The following CC2D2A variants were observed in gnomAD, a reference collection of about 807,000 sequenced individuals.
The protein encoded by CC2D2A is coiled-coil and C2 domain containing 2A.
In CC2D2A, 155 loss-of-function variants were observed where a neutral mutation model predicts 212.9. The ratio of observed to expected loss-of-function variants is 0.73; its 90% confidence interval spans 0.64 to 0.83. CC2D2A has a LOEUF of 0.83. Ranked by LOEUF, CC2D2A falls within the 40% of genes least tolerant of loss-of-function variation. The probability of loss-of-function intolerance (pLI) is 0.00; values close to 1 mark genes in which losing one functional copy is unlikely to be tolerated. For synonymous variants in CC2D2A, 667 were observed against 686.5 expected, an observed-to-expected ratio of 0.97 and a Z score of 0.44; for missense variants, 1,856 against 1,956.2, an observed-to-expected ratio of 0.95 and a Z score of 0.97.
At chr4:15,569,861 A>C (rs1720076087) in intron 27 of CC2D2A, among the ~76,000 whole-genome samples, 1 of 152,324 alleles carries the variant, frequency 6.6e-6, no homozygotes, top group African/African-American at 2.4e-5. Flanking sequence ...AAATATTATC[A>C]GTCTGTTCCC....
intron 9 of CC2D2A, 55 bp downstream of exon 9, chr4:15,514,924 A>G (rs2109011845): frequency 6.5e-7 from 1 of 1,527,594 alleles, no homozygotes; most frequent in Non-Finnish European, 9.0e-7. Context: ...TTACCTTGTC[A>G]TGAAATATGG....
At position 15,567,383 on chromosome 4, in the gene CC2D2A, C is replaced by A. The variant is rs1560186625; in HGVS notation, c.3189C>A (p.Phe1063Leu). Residue 1063 changes from phenylalanine (F) to leucine (L), a missense_variant, in exon 25 of 37, where the codon TTC (phenylalanine) becomes TTA (leucine). Physicochemically the swap from Phe to Leu is conservative, Grantham distance 22 (BLOSUM62 0). Around this residue, in one of 5 missense-constraint regions of CC2D2A, gnomAD observed 1,512 missense variants for 1,579.3 expected, o/e 0.96. Transcript: ENST00000424120. ...CATACATTTTCTCTCCTAGCAAATT[C>A]CAGCAGCCGTCGAGGTCTTCAAGGA... ...IPVRKPAVSK[F>L]QQPSRSSRMF... 1 of 1,612,574 alleles carries A rather than the reference C, an allele frequency of 6.2e-7. No individual in the cohort carries two copies. Among genetic ancestry groups the A allele is most frequent in the Non-Finnish European group, 8.5e-7 (1 of 1,179,040 alleles).
chr4:15,485,494 C>T (rs1714946003), intron 4 of CC2D2A, among the ~76,000 whole-genome samples: 1 of 152,164 alleles, frequency 6.6e-6, no homozygotes, highest in Admixed American at 6.5e-5. Context: ...GATATATACC[C>T]AGCAGTGGCA....
intron 1 of CC2D2A, among the ~76,000 whole-genome samples, chr4:15,473,864 C>T (rs1448004581): frequency 6.6e-6 from 1 of 152,108 alleles, no homozygotes. Context: ...GGTTTCTGGC[C>T]TGAGCAAAAT....
At chr4:15,563,937 G>C (rs1440925788) in intron 24 of CC2D2A, 2 of 176,626 alleles carry the variant, frequency 1.1e-5, no homozygotes, top group African/African-American at 4.7e-5. Flanking sequence ...AACTTGGCCA[G>C]GTGTTGATCC....
chr4:15,540,208 T>G (rs1718353363), intron 16 of CC2D2A, among the ~76,000 whole-genome samples: 1 of 152,198 alleles, frequency 6.6e-6, no homozygotes, highest in Admixed American at 6.5e-5. Flanking sequence ...TGAATTGCTA[T>G]TGACTTAACC....
At chr4:15,488,789 A>G (rs1257835894) in intron 4 of CC2D2A, among the ~76,000 whole-genome samples, 1 of 152,192 alleles carries the variant, frequency 6.6e-6, no homozygotes, top group African/African-American at 2.4e-5. Flanking sequence ...CCCCTAACCT[A>G]TGGCCTCACA....
intron 14 of CC2D2A, among the ~76,000 whole-genome samples, chr4:15,533,834 C>A (rs1254474977): frequency 1.3e-5 from 2 of 152,168 alleles, no homozygotes; most frequent in Admixed American, 1.3e-4. Flanking sequence ...TCAACTGTTA[C>A]AGAAACCACT....
Position 15,516,020 on chromosome 4 carries a change from C to T in CC2D2A, c.1017+16C>T, listed in dbSNP as rs1716851456. On this transcript the variant is annotated intron_variant, in intron 10 of 36. Transcript: ENST00000424120. ...GCAGGACCCCGTAAGTGTGCACCCT[C>T]TGCTCTCAGGTGTAGCCTGGGCACA... is the stretch of plus-strand genomic sequence containing the variant. The T allele has an allele frequency of 6.3e-7, 1 of 1,580,176 alleles. No homozygotes were observed. Among genetic ancestry groups the T allele is most frequent in the African/African-American group, 1.3e-5 (1 of 74,140 alleles).
chr4:15,541,287 C>T (rs971114735), intron 17 of CC2D2A, among the ~76,000 whole-genome samples: 1 of 151,898 alleles, frequency 6.6e-6, no homozygotes, highest in South Asian at 2.1e-4. Context: ...CCACTGTACT[C>T]CAGCCTAGGC....
intron 7 of CC2D2A, among the ~76,000 whole-genome samples, chr4:15,510,540 G>A (rs1201109924): frequency 6.6e-6 from 1 of 152,208 alleles, no homozygotes; most frequent in Non-Finnish European, 1.5e-5. Context: ...AAGCTGCAGT[G>A]AGCCATGATT....
chr4:15,558,036 A>G (rs1719377558), intron 21 of CC2D2A, among the ~76,000 whole-genome samples: 1 of 152,174 alleles, frequency 6.6e-6, no homozygotes, highest in Admixed American at 6.5e-5. Context: ...GGAGGAACAA[A>G]GACTCAGAGG....
At chr4:15,558,354 A>T (rs1472573398) in intron 21 of CC2D2A, among the ~76,000 whole-genome samples, 2 of 152,242 alleles carry the variant, frequency 1.3e-5, no homozygotes, top group East Asian at 3.9e-4. Context: ...CCAATTTTGA[A>T]CTACCTTAGG....
chr4:15,488,337 A>G (rs924112597), intron 4 of CC2D2A, among the ~76,000 whole-genome samples: 8 of 152,136 alleles, frequency 5.3e-5, no homozygotes, highest in Non-Finnish European at 8.8e-5. Context: ...ATAATACTCT[A>G]AGTTGGAAGT....
intron 9 of CC2D2A, among the ~76,000 whole-genome samples, 154 bp from the exon 10 acceptor site, chr4:15,515,714 A>G (rs1238862066): frequency 2.0e-5 from 3 of 152,196 alleles, no homozygotes; most frequent in African/African-American, 7.2e-5. Flanking sequence ...GAGCACATTC[A>G]TCTTTTCCTT....
chr4:15,470,505 T>C (rs1430533418), intron 1 of CC2D2A, among the ~76,000 whole-genome samples: 1 of 152,158 alleles, frequency 6.6e-6, no homozygotes, highest in African/African-American at 2.4e-5. Context: ...CAAGAAAATG[T>C]ACTGGCTACA....
chr4:15,592,696 C>A (rs1025500518), intron 33 of CC2D2A, among the ~76,000 whole-genome samples: 30 of 152,142 alleles, frequency 2.0e-4, no homozygotes, highest in African/African-American at 7.2e-4. Context: ...TCTTCTAGGA[C>A]CACACCTATT....
chr4:15,511,705 C>T (rs1200615011), intron 8 of CC2D2A: 1 of 210,506 alleles, frequency 4.8e-6, no homozygotes, highest in African/African-American at 2.3e-5. Flanking sequence ...TTGCTAGACT[C>T]CACGTAATGA....
At chr4:15,549,676 G>A (rs1343266856) in intron 17 of CC2D2A, among the ~76,000 whole-genome samples, 4 of 152,164 alleles carry the variant, frequency 2.6e-5, no homozygotes, top group Non-Finnish European at 5.9e-5. Context: ...GGTGGTGGGC[G>A]CCTGTAATCC....
Sources: gnomAD v4.1 joint callset for allele counts (sites outside exome capture counted in the v4.1 genomes callset) on GRCh38, gnomAD v4.1.1 for gene constraint, gnomAD v4.1.1 regional missense constraint, MANE v1.5 for transcripts, NCBI Gene and HGNC (gene_info 2026-07-23, HGNC 2026-07-21) for gene names.